Variants in NBEA observed in about 807,000 individuals in gnomAD.
NBEA encodes lysosomal-trafficking regulator 2.
In NBEA, 44 loss-of-function variants were observed where a neutral mutation model predicts 343.4. The observed-to-expected ratio is 0.13, with a 90% CI of 0.10 to 0.16. NBEA has a LOEUF of 0.16. Ranked by LOEUF, NBEA falls within the 10% of genes least tolerant of loss-of-function variation. The pLI is 1.00. For synonymous variants in NBEA, 1,175 were observed against 1,238.7 expected, an observed-to-expected ratio of 0.95 and a Z score of 1.08; for missense variants, 2,555 against 3,631.3, an observed-to-expected ratio of 0.70 and a Z score of 7.62.
chr13:35,194,694 A>G (rs1022579892), intron 30 of NBEA, among the ~76,000 whole-genome samples: 1 of 152,110 alleles, frequency 6.6e-6, no homozygotes, highest in Admixed American at 6.6e-5. Flanking sequence ...CTTAGATGAG[A>G]TACACTTTTC....
intron 49 of NBEA, among the ~76,000 whole-genome samples, chr13:35,639,865 A>G (rs1387848020): frequency 6.6e-6 from 1 of 151,336 alleles, no homozygotes; most frequent in Non-Finnish European, 1.5e-5. Context: ...GTCATTTGAG[A>G]GCCTGTATTA....
intron 38 of NBEA, among the ~76,000 whole-genome samples, chr13:35,389,329 G>A (rs941036616): frequency 1.3e-5 from 2 of 151,992 alleles, no homozygotes; most frequent in East Asian, 3.9e-4. Context: ...AAACCCATAA[G>A]CATTGTGAAT....
intron 46 of NBEA, among the ~76,000 whole-genome samples, chr13:35,587,053 A>G (rs1214962014): frequency 6.6e-6 from 1 of 152,220 alleles, no homozygotes; most frequent in Non-Finnish European, 1.5e-5. Context: ...CTGATCACCA[A>G]ATGATCAGAC....
At chr13:35,041,268 A>G in intron 2 of NBEA, 104 bp downstream of exon 2, 2 of 958,258 alleles carry the variant, frequency 2.1e-6, no homozygotes, top group Non-Finnish European at 3.0e-6. Flanking sequence ...CATTACTTTG[A>G]TTTAAAATAA....
At chr13:35,352,366 A>G (rs780696490) in intron 38 of NBEA, 43 bp downstream of exon 38, 1 of 1,075,376 alleles carries the variant, frequency 9.3e-7, no homozygotes, top group South Asian at 3.1e-5. Flanking sequence ...TCATAGGTTA[A>G]TTATAATAGT....
chr13:35,472,021 G>A (rs1404421674), intron 40 of NBEA, among the ~76,000 whole-genome samples: 2 of 152,068 alleles, frequency 1.3e-5, no homozygotes, highest in Non-Finnish European at 2.9e-5. Context: ...CTGGTCTTGG[G>A]GGCAGTGCTG....
At chr13:35,190,641 C>A (rs966221024) in intron 30 of NBEA, among the ~76,000 whole-genome samples, 1 of 152,036 alleles carries the variant, frequency 6.6e-6, no homozygotes, top group African/African-American at 2.4e-5. Context: ...ATAAACAGAA[C>A]AAGAACAAAC....
At chr13:35,484,296 A>G (rs2076233431) in intron 41 of NBEA, among the ~76,000 whole-genome samples, 1 of 149,292 alleles carries the variant, frequency 6.7e-6, no homozygotes, top group East Asian at 2.0e-4. Context: ...ATATATATGT[A>G]GACCCTCACT....
At chr13:35,538,048 G>A (rs993391440) in intron 41 of NBEA, among the ~76,000 whole-genome samples, 3 of 152,148 alleles carry the variant, frequency 2.0e-5, no homozygotes, top group Non-Finnish European at 2.9e-5. Flanking sequence ...CCAAATTCAT[G>A]ATAGCATGGC....
intron 1 of NBEA, among the ~76,000 whole-genome samples, chr13:35,020,745 C>T (rs2061809532): frequency 6.6e-6 from 1 of 152,168 alleles, no homozygotes; most frequent in Non-Finnish European, 1.5e-5. Flanking sequence ...GTCTCAAACT[C>T]CTGACCTCAG....
intron 48 of NBEA, among the ~76,000 whole-genome samples, chr13:35,626,930 G>A (rs1430301717): frequency 6.6e-6 from 1 of 152,100 alleles, no homozygotes; most frequent in East Asian, 1.9e-4. Flanking sequence ...ACTAATTGGT[G>A]TAGATGAAAT....
At chr13:35,438,186 C>A (rs560949034) in intron 39 of NBEA, among the ~76,000 whole-genome samples, 44 of 152,038 alleles carry the variant, frequency 2.9e-4, no homozygotes, top group Non-Finnish European at 6.0e-4. Flanking sequence ...ATAAGATATG[C>A]TGAGAACTGC....
chr13:35,014,755 A>G (rs773183751), intron 1 of NBEA, among the ~76,000 whole-genome samples: 3 of 151,756 alleles, frequency 2.0e-5, no homozygotes, highest in Non-Finnish European at 2.9e-5. Context: ...AAACAGGCCA[A>G]TGTGGGGACA....
At chr13:35,121,706 G>T (rs1011938807) in intron 16 of NBEA, among the ~76,000 whole-genome samples, 1 of 151,996 alleles carries the variant, frequency 6.6e-6, no homozygotes, top group African/African-American at 2.4e-5. Context: ...AAGAGAAAAA[G>T]AAGCAGTATC....
intron 1 of NBEA, among the ~76,000 whole-genome samples, chr13:34,992,218 G>A (rs202081361): frequency 1.3e-3 from 141 of 110,252 alleles, no homozygotes; most frequent in East Asian, 3.3e-3. Context: ...GTGTGTGTGT[G>A]TATATGTGTG....
intron 17 of NBEA, among the ~76,000 whole-genome samples, chr13:35,131,822 CAG>C (rs1186104773): frequency 3.3e-5 from 5 of 152,072 alleles, no homozygotes; most frequent in East Asian, 1.9e-4. Context: ...ATAAATCAAA[CAG>C]AGTGTATTAT....
intron 41 of NBEA, among the ~76,000 whole-genome samples, chr13:35,500,483 G>T (rs1189227265): frequency 1.3e-5 from 2 of 152,056 alleles, no homozygotes; most frequent in African/African-American, 4.8e-5. Flanking sequence ...TTTTGGGGTT[G>T]CTGCCTTGTC....
At chr13:35,308,715 A>G (rs933240187) in intron 35 of NBEA, among the ~76,000 whole-genome samples, 1 of 148,234 alleles carries the variant, frequency 6.7e-6, no homozygotes, top group African/African-American at 2.5e-5. Context: ...AAACCCCAAA[A>G]TATGTATATA....
chr13:35,073,962 TG>T (rs1478027928), intron 10 of NBEA, among the ~76,000 whole-genome samples: 1 of 152,086 alleles, frequency 6.6e-6, no homozygotes, highest in East Asian at 1.9e-4. Flanking sequence ...CCCAAATTAT[TG>T]AAGGAATAAT....
Sources: allele counts gnomAD v4.1 joint callset (sites outside exome capture counted in the v4.1 genomes callset), GRCh38; gene constraint gnomAD v4.1.1; transcripts MANE v1.5; gene names NCBI Gene and HGNC (gene_info 2026-07-23, HGNC 2026-07-21).